AFF3: variants seen among roughly 807,000 people sequenced by gnomAD.
The protein encoded by AFF3 is ALF transcription elongation factor 3, also known as AF4/FMR2 family member 3.
In AFF3, 32 loss-of-function variants were observed where a neutral mutation model predicts 129.7. The ratio of observed to expected loss-of-function variants is 0.25; its 90% CI spans 0.19 to 0.33. The LOEUF (loss-of-function observed/expected upper bound fraction) is 0.33, where lower values mean the gene tolerates loss of function less well. AFF3 is among the 10% of genes least tolerant of loss of function. The probability of loss-of-function intolerance (pLI) is 1.00; values close to 1 mark genes in which losing one functional copy is unlikely to be tolerated. For synonymous variants in AFF3, 644 were observed against 635.4 expected (o/e 1.01, Z -0.20); for missense variants, 1,373 against 1,592.0 (o/e 0.86, Z 2.34).
intron 4 of AFF3, among the ~76,000 whole-genome samples, chr2:100,073,584 C>G (rs1249921383): frequency 1.3e-5 from 2 of 152,132 alleles, no homozygotes; most frequent in African/African-American, 4.8e-5. Flanking sequence ...CTCTGTCTAC[C>G]CTGAAATTCA....
At chr2:99,867,037 A>C (rs1019702015) in intron 7 of AFF3, among the ~76,000 whole-genome samples, 1 of 150,258 alleles carries the variant, frequency 6.7e-6, no homozygotes, top group African/African-American at 2.4e-5. Context: ...AATAAAAAAA[A>C]CAAGCACTGG....
Position 99,547,318 on chromosome 2 carries a change from T to A in AFF3, c.*4156A>T, listed in dbSNP as rs1370909810. 4 of 216,928 alleles carry A rather than the reference T, an allele frequency of 1.8e-5. No homozygotes were observed. The highest frequency in any genetic ancestry group is 9.0e-5 in the African/African-American group (4 of 44,384). 13.4% of individuals were successfully genotyped at this position (216,928 alleles called of 1,614,324 possible). ...GAAAGGCAGACATGTTTAATCCAAG[T>A]CCGTTTATAAATTCCAATTTCACAT... On this transcript the variant is annotated 3_prime_UTR_variant, in exon 25 of 25. Coordinates refer to ENST00000672756, the MANE Select transcript of AFF3 (RefSeq NM_001386135.1).
chr2:100,040,030 C>A (rs1036841892), intron 4 of AFF3, among the ~76,000 whole-genome samples: 3 of 152,122 alleles, frequency 2.0e-5, no homozygotes, highest in African/African-American at 4.8e-5. Context: ...CTCAGCCTTG[C>A]AATCATCTGC....
chr2:99,563,046 C>T (rs1559480478), intron 20 of AFF3, among the ~76,000 whole-genome samples: 1 of 151,472 alleles, frequency 6.6e-6, no homozygotes, highest in Non-Finnish European at 1.5e-5. Context: ...GAATTCTGCC[C>T]GTAGGGACAA....
chr2:99,563,621 A>C (rs578215750), intron 20 of AFF3, among the ~76,000 whole-genome samples: 98 of 151,508 alleles, frequency 6.5e-4, no homozygotes, highest in Admixed American at 1.4e-3. Context: ...GACCATCCTG[A>C]CCAACATGGA....
At chr2:99,819,933 A>T (rs1687523248) in intron 8 of AFF3, among the ~76,000 whole-genome samples, 1 of 152,222 alleles carries the variant, frequency 6.6e-6, no homozygotes, top group African/African-American at 2.4e-5. Flanking sequence ...TAATGTGGGA[A>T]GGATGCCTCC....
chr2:99,696,659 T>C (rs1460965806), intron 11 of AFF3, among the ~76,000 whole-genome samples: 2 of 152,148 alleles, frequency 1.3e-5, no homozygotes, highest in Non-Finnish European at 2.9e-5. Context: ...GAAATTCTTT[T>C]TTTTTTTTCT....
At chr2:99,959,457 T>G (rs1677010122) in intron 7 of AFF3, among the ~76,000 whole-genome samples, 1 of 151,338 alleles carries the variant, frequency 6.6e-6, no homozygotes, top group Non-Finnish European at 1.5e-5. Context: ...AAAATAGGGC[T>G]TGACAAGAAA....
chr2:99,805,401 G>A (rs1686259817), intron 8 of AFF3, among the ~76,000 whole-genome samples: 1 of 152,074 alleles, frequency 6.6e-6, no homozygotes, highest in African/African-American at 2.4e-5. Context: ...TTGATGCTGG[G>A]GATAAAATGA....
intron 13 of AFF3, among the ~76,000 whole-genome samples, chr2:99,629,777 C>A (rs956243549): frequency 1.3e-5 from 2 of 152,158 alleles, no homozygotes; most frequent in Non-Finnish European, 2.9e-5. Flanking sequence ...TTGCTGTGTG[C>A]TCACATGACC....
intron 14 of AFF3, among the ~76,000 whole-genome samples, chr2:99,598,573 G>C (rs1179475027): frequency 6.6e-6 from 1 of 152,236 alleles, no homozygotes; most frequent in Non-Finnish European, 1.5e-5. Flanking sequence ...TGGGTTTTCT[G>C]AGTGCTGGGA....
intron 14 of AFF3, among the ~76,000 whole-genome samples, chr2:99,596,210 G>T (rs1679276941): frequency 6.6e-6 from 1 of 152,182 alleles, no homozygotes. Context: ...CGTAAATCAT[G>T]ACCTCGCTTT....
At chr2:99,767,728 C>T (rs938597805) in intron 8 of AFF3, among the ~76,000 whole-genome samples, 28 of 152,274 alleles carry the variant, frequency 1.8e-4, no homozygotes, top group African/African-American at 3.8e-4. Flanking sequence ...GAGGCCGAGG[C>T]GGGCGGATCA....
intron 8 of AFF3, among the ~76,000 whole-genome samples, chr2:99,759,416 T>C (rs1682394116): frequency 7.2e-6 from 1 of 139,472 alleles, no homozygotes; most frequent in African/African-American, 2.7e-5. Context: ...CCTAAAGAAG[T>C]AATATAAATT....
intron 11 of AFF3, among the ~76,000 whole-genome samples, 163 bp from the exon 12 acceptor site, chr2:99,672,752 C>G (rs538617113): frequency 6.6e-6 from 1 of 152,208 alleles, no homozygotes; most frequent in East Asian, 1.9e-4. Context: ...CACTTTTCCT[C>G]TGGTGCACTT....
chr2:99,784,812 C>A (rs1168640447), intron 8 of AFF3, among the ~76,000 whole-genome samples: 1 of 152,158 alleles, frequency 6.6e-6, no homozygotes, highest in Non-Finnish European at 1.5e-5. Context: ...TCAGTCCATA[C>A]CTTTCAGGTG....
At chr2:99,829,315 A>G (rs1178821465) in intron 8 of AFF3, among the ~76,000 whole-genome samples, 1 of 152,250 alleles carries the variant, frequency 6.6e-6, no homozygotes, top group Non-Finnish European at 1.5e-5. Context: ...AAGCTTCTGC[A>G]CAGCAAAAGA....
At chr2:99,771,350 C>T (rs62150106) in intron 8 of AFF3, among the ~76,000 whole-genome samples, 4,494 of 150,972 alleles carry the variant, frequency 0.03, 85 homozygotes, top group Non-Finnish European at 0.04. Context: ...CCGAGGTACA[C>T]GTTACCTATG....
chr2:99,988,042 A>G (rs907712079), intron 7 of AFF3, among the ~76,000 whole-genome samples: 1 of 152,342 alleles, frequency 6.6e-6, no homozygotes, highest in Non-Finnish European at 1.5e-5. Flanking sequence ...GCAGAACAAT[A>G]AAAGAGGCAG....
Sources: gnomAD v4.1 joint callset for allele counts (sites outside exome capture counted in the v4.1 genomes callset) on GRCh38, gnomAD v4.1.1 for gene constraint, MANE v1.5 for transcripts, NCBI Gene and HGNC (gene_info 2026-07-23, HGNC 2026-07-21) for gene names.